ZNF362: variants seen among roughly 807,000 people sequenced by gnomAD.
ZNF362 encodes rotund homolog.
ZNF362 carries 11 observed loss-of-function variants against 42.9 expected under a neutral mutation model. The ratio of observed to expected loss-of-function variants is 0.26; its 90% CI spans 0.16 to 0.42. The LOEUF is 0.42. ZNF362 is among the 20% of genes least tolerant of loss of function. ZNF362 has a pLI of 1.00. For synonymous variants in ZNF362, 255 were observed against 257.3 expected (o/e 0.99, Z 0.09); for missense variants, 362 against 576.2 (o/e 0.63, Z 3.81).
chr1:33,287,053 ACAAG>A (rs1199397296), intron 6 of ZNF362, among the ~76,000 whole-genome samples: 1 of 152,242 alleles, frequency 6.6e-6, no homozygotes, highest in Admixed American at 6.5e-5. Flanking sequence ...AAAGGAAGGC[ACAAG>A]CAAAGTGAGG....
chr1:33,176,549 G>T, the ZNF362 span: 1 of 624,592 alleles, frequency 1.6e-6, no homozygotes, highest in Admixed American at 2.2e-5. Flanking sequence ...AGGAACCTGA[G>T]ACGGCCAGAG....
At chr1:33,212,502 G>A in the ZNF362 span, among the ~76,000 whole-genome samples, 4 of 152,106 alleles carry the variant, frequency 2.6e-5, no homozygotes, top group African/African-American at 9.7e-5. Flanking sequence ...AAGAAAAGTG[G>A]TTTAATTGAG....
chr1:33,206,360 CAA>C, the ZNF362 span, among the ~76,000 whole-genome samples: 9 of 147,686 alleles, frequency 6.1e-5, no homozygotes, highest in South Asian at 2.1e-4. Context: ...AATACCAAAA[CAA>C]AAAAAAAATG....
intron 6 of ZNF362, among the ~76,000 whole-genome samples, chr1:33,292,129 C>G (rs556289326): frequency 6.6e-6 from 1 of 152,310 alleles, no homozygotes; most frequent in East Asian, 1.9e-4. Context: ...TGAGAGAGGG[C>G]ATCCCTGTCT....
At chr1:33,275,682 C>T (rs776863359) in intron 2 of ZNF362, among the ~76,000 whole-genome samples, 23 of 152,192 alleles carry the variant, frequency 1.5e-4, no homozygotes, top group Non-Finnish European at 2.8e-4. Flanking sequence ...CAGGGATGGG[C>T]ATTTACAAAT....
chr1:33,146,925 A>C, the ZNF362 span: 1 of 529,848 alleles, frequency 1.9e-6, no homozygotes, highest in Non-Finnish European at 3.4e-6. Context: ...TGCCCTGAGG[A>C]GAAGCCATGT....
intron 2 of ZNF362, among the ~76,000 whole-genome samples, chr1:33,272,250 G>A (rs1281614617): frequency 6.6e-6 from 1 of 152,170 alleles, no homozygotes; most frequent in Non-Finnish European, 1.5e-5. Context: ...TGTGTGGTTG[G>A]CCTTATAGGT....
At chr1:33,242,667 G>A in the ZNF362 span, among the ~76,000 whole-genome samples, 2 of 152,142 alleles carry the variant, frequency 1.3e-5, no homozygotes, top group African/African-American at 2.4e-5. Context: ...ATTAGGAAGC[G>A]ATGGAGGTGG....
the ZNF362 span, among the ~76,000 whole-genome samples, chr1:33,223,331 T>A: frequency 2.0e-5 from 3 of 152,348 alleles, no homozygotes; most frequent in Non-Finnish European, 4.4e-5. Flanking sequence ...CCCTGTGAGA[T>A]GTGCCTTTTA....
chr1:33,243,635 C>T, the ZNF362 span, among the ~76,000 whole-genome samples: 40 of 150,338 alleles, frequency 2.7e-4, no homozygotes, highest in African/African-American at 7.8e-4. Context: ...CTCGCTCTGT[C>T]GCCCAGGCTG....
chr1:33,262,711 AATAC>A (rs1645837509), intron 1 of ZNF362, among the ~76,000 whole-genome samples: 2 of 152,234 alleles, frequency 1.3e-5, no homozygotes, highest in Admixed American at 6.5e-5. Context: ...AACACACTCA[AATAC>A]ATTCATACAT....
the ZNF362 span, among the ~76,000 whole-genome samples, chr1:33,228,113 C>A: frequency 3.3e-5 from 5 of 152,112 alleles, no homozygotes; most frequent in Non-Finnish European, 5.9e-5. Context: ...CCTCTACATC[C>A]GACTAGAGCC....
At chr1:33,202,920 G>A in the ZNF362 span, among the ~76,000 whole-genome samples, 7 of 151,950 alleles carry the variant, frequency 4.6e-5, no homozygotes, top group African/African-American at 9.7e-5. Context: ...TACATTTGGC[G>A]AAGTTGTTAA....
the ZNF362 span, chr1:33,176,418 G>A: frequency 1.1e-4 from 80 of 697,582 alleles, no homozygotes; most frequent in African/African-American, 1.6e-4. Flanking sequence ...CAGGGCTTGC[G>A]TCCAAGGCTG....
At chr1:33,148,704 T>C in the ZNF362 span, among the ~76,000 whole-genome samples, 1 of 152,250 alleles carries the variant, frequency 6.6e-6, no homozygotes, top group Non-Finnish European at 1.5e-5. Flanking sequence ...CACTTGAAAT[T>C]GTGAAAAGGT....
the ZNF362 span, chr1:33,147,552 G>A: frequency 6.2e-7 from 1 of 1,614,076 alleles, no homozygotes; most frequent in East Asian, 2.2e-5. The surrounding 1 kb of genome is among the most constrained non-coding windows in gnomAD (Gnocchi z 8.1). Context: ...CCTCCCAGTA[G>A]TGGACGCCAC....
the ZNF362 span, among the ~76,000 whole-genome samples, chr1:33,201,568 C>T: frequency 2.0e-5 from 3 of 151,970 alleles, no homozygotes; most frequent in Non-Finnish European, 4.4e-5. Context: ...AATCAAAAGA[C>T]AAATTAAAAT....
At chr1:33,295,337 G>A (rs957398110) in intron 8 of ZNF362, 32 bp downstream of exon 8, 6 of 1,605,874 alleles carry the variant, frequency 3.7e-6, no homozygotes, top group Non-Finnish European at 5.1e-6. Context: ...CCCTGCCCCG[G>A]GGGAGCCACT....
At chr1:33,262,294 A>AT (rs1645833196) in intron 1 of ZNF362, among the ~76,000 whole-genome samples, 69 of 93,038 alleles carry the variant, frequency 7.4e-4, no homozygotes, top group South Asian at 3.6e-3. Context: ...AGGCTTTAGG[A>AT]TTCTTTTTTT....
Sources: allele counts gnomAD v4.1 joint callset (sites outside exome capture counted in the v4.1 genomes callset), GRCh38; gene constraint gnomAD v4.1.1; non-coding constraint Gnocchi (gnomAD v3.1); transcripts MANE v1.5; gene names NCBI Gene and HGNC (gene_info 2026-07-23, HGNC 2026-07-21).